The following SYT10 variants were observed in gnomAD, a reference collection of about 807,000 sequenced individuals.
SYT10 encodes synaptotagmin-10.
In SYT10, 31 loss-of-function variants were observed where a neutral mutation model predicts 51.1. The ratio of observed to expected loss-of-function variants is 0.61; its 90% CI spans 0.46 to 0.82. The LOEUF is 0.82. SYT10 is among the 40% of genes least tolerant of loss of function. The pLI is 0.00. For missense variants in SYT10, 603 were observed against 634.0 expected (o/e 0.95, Z 0.53); for synonymous variants, 233 against 225.9 (o/e 1.03, Z -0.28).
At chr12:33,406,110 C>T (rs1454997620) in intron 3 of SYT10, among the ~76,000 whole-genome samples, 2 of 151,884 alleles carry the variant, frequency 1.3e-5, no homozygotes, top group Admixed American at 1.3e-4. Flanking sequence ...ATTGGTAGCA[C>T]TGTAGATTAT....
chr12:33,411,642 T>C (rs1866406008), intron 2 of SYT10, among the ~76,000 whole-genome samples: 1 of 152,186 alleles, frequency 6.6e-6, no homozygotes, highest in Admixed American at 6.5e-5. Context: ...GGTGAGAGAA[T>C]TGGCCCCTAA....
chr12:33,408,341 A>G (rs1457078936), intron 2 of SYT10: 1 of 152,182 alleles, frequency 6.6e-6, no homozygotes, highest in African/African-American at 2.4e-5. Flanking sequence ...ACAAACGTAG[A>G]ATTTTAGAAT....
At chr12:33,389,473 A>C (rs1866185979) in intron 3 of SYT10, among the ~76,000 whole-genome samples, 1 of 152,192 alleles carries the variant, frequency 6.6e-6, no homozygotes, top group Non-Finnish European at 1.5e-5. Flanking sequence ...GATGTTAATG[A>C]AAATAATATT....
rs1866055968 is a variant in SYT10 at position 33,375,608 on chromosome 12, G to T, written c.*1222C>A. 1 of 152,102 alleles carries T rather than the reference G, an allele frequency of 6.6e-6. No homozygotes were observed. The highest frequency in any genetic ancestry group is 2.4e-5 in the African/African-American group (1 of 41,450). 9.4% of individuals were successfully genotyped at this position (152,102 alleles called of 1,614,324 possible). ...AAAAACACTTGCATAGTTTTTACAT[G>T]TAGTGGCCTGAACCTTGATCCTTAT... is the stretch of plus-strand genomic sequence containing the variant. On this transcript the variant is annotated 3_prime_UTR_variant, in exon 7 of 7. Transcript: ENST00000228567.
chr12:33,412,850 T>C (rs1866419337), intron 2 of SYT10, among the ~76,000 whole-genome samples: 1 of 152,080 alleles, frequency 6.6e-6, no homozygotes, highest in Non-Finnish European at 1.5e-5. Context: ...TTTGGATGAA[T>C]TGAGAGAAGA....
At chr12:33,397,788 A>G (rs1866269537) in intron 3 of SYT10, among the ~76,000 whole-genome samples, 1 of 152,068 alleles carries the variant, frequency 6.6e-6, no homozygotes, top group African/African-American at 2.4e-5. Context: ...CTCCCAAGGA[A>G]GAGAATATGA....
At chr12:33,403,233 CTTTTTT>C (rs36045526) in intron 3 of SYT10, among the ~76,000 whole-genome samples, 1 of 127,668 alleles carries the variant, frequency 7.8e-6, no homozygotes, top group Non-Finnish European at 1.6e-5. Context: ...ATCTGATAGT[CTTTTTT>C]TTTTTTTTTT....
intron 2 of SYT10, among the ~76,000 whole-genome samples, chr12:33,413,596 G>A (rs1018846700): frequency 6.6e-6 from 1 of 152,116 alleles, no homozygotes; most frequent in African/African-American, 2.4e-5. Flanking sequence ...CTTCATAAGT[G>A]AAGGAGAAAT....
intron 3 of SYT10, among the ~76,000 whole-genome samples, chr12:33,403,417 G>A (rs1219863378): frequency 6.6e-6 from 1 of 151,740 alleles, no homozygotes; most frequent in Non-Finnish European, 1.5e-5. Context: ...TTTTAGTAGA[G>A]ACGGGGCTTC....
At chr12:33,383,639 C>G (rs1203043556) in intron 4 of SYT10, among the ~76,000 whole-genome samples, 1 of 152,018 alleles carries the variant, frequency 6.6e-6, no homozygotes, top group Non-Finnish European at 1.5e-5. Context: ...TGTTTGAGCC[C>G]ACAGGCCTAG....
intron 3 of SYT10, among the ~76,000 whole-genome samples, chr12:33,398,350 A>G (rs191848596): frequency 6.6e-6 from 1 of 152,014 alleles, no homozygotes; most frequent in African/African-American, 2.4e-5. Flanking sequence ...CATCTCTACT[A>G]AAAATACAAA....
chr12:33,422,694 C>T (rs1439844162), intron 2 of SYT10, among the ~76,000 whole-genome samples: 1 of 151,864 alleles, frequency 6.6e-6, no homozygotes, highest in African/African-American at 2.4e-5. Context: ...CTAGAATGCA[C>T]ATCCTCTCCC....
Position 33,439,574 on chromosome 12 carries a change from C to T in SYT10, c.-52G>A. On this transcript the variant is annotated 5_prime_UTR_variant, in exon 1 of 7. Transcript: ENST00000228567. ...TTTTTTCCCAGTTAGCCGTCTTTTCCTCTTCCCGTACCTCTAACCCCTCTG... is the reference window on the plus strand; with the variant it reads ...TTTTTTCCCAGTTAGCCGTCTTTTCTTCTTCCCGTACCTCTAACCCCTCTG... The T allele has an allele frequency of 6.3e-7, 1 of 1,593,734 alleles. No individual in the cohort carries two copies. The highest frequency in any genetic ancestry group is 2.2e-5 in the East Asian group (1 of 44,540).
chr12:33,382,078 A>C (rs571751904), intron 5 of SYT10, among the ~76,000 whole-genome samples: 48 of 152,092 alleles, frequency 3.2e-4, no homozygotes, highest in South Asian at 1.2e-3. Flanking sequence ...CTATAAAAAG[A>C]CTCCACAATA....
At chr12:33,379,651 G>A (rs1363350700) in intron 6 of SYT10, among the ~76,000 whole-genome samples, 181 bp downstream of exon 6, 1 of 149,434 alleles carries the variant, frequency 6.7e-6, no homozygotes, top group African/African-American at 2.5e-5. Context: ...TAAAATCCAG[G>A]AAGGCACACA....
intron 6 of SYT10, among the ~76,000 whole-genome samples, 188 bp from the exon 7 acceptor site, chr12:33,377,089 T>C (rs562361014): frequency 9.5e-4 from 144 of 152,304 alleles, no homozygotes; most frequent in Non-Finnish European, 1.7e-3. Flanking sequence ...GGATGTCTCA[T>C]AGAATGTAGG....
chr12:33,393,835 C>G (rs1866230905), intron 3 of SYT10, among the ~76,000 whole-genome samples: 2 of 152,148 alleles, frequency 1.3e-5, no homozygotes, highest in African/African-American at 4.8e-5. Flanking sequence ...TAGTTCCTGC[C>G]CTGCCTCATG....
rs1866668040 is a variant in SYT10, at chr12:33,439,600, G to A, written c.-78C>T. 6.5e-7 allele frequency: 1 copy of A among 1,535,106 alleles called. No individual in the cohort carries two copies. ...TCTTCCCGTACCTCTAACCCCTCTG[G>A]CGCCCTAAGCCATAGTCCGCCCGCG... On this transcript the variant is annotated 5_prime_UTR_variant, in exon 1 of 7. Transcript: ENST00000228567.
intron 5 of SYT10, among the ~76,000 whole-genome samples, chr12:33,381,392 G>A (rs1228746990): frequency 9.2e-5 from 14 of 152,044 alleles, no homozygotes; most frequent in African/African-American, 1.9e-4. Context: ...GTGTTTGTGC[G>A]TTTTAGAACA....
Sources: gnomAD v4.1 joint callset for allele counts (sites outside exome capture counted in the v4.1 genomes callset) on GRCh38, gnomAD v4.1.1 for gene constraint, MANE v1.5 for transcripts, NCBI Gene and HGNC (gene_info 2026-07-23, HGNC 2026-07-21) for gene names.